BMPER: variants seen among roughly 807,000 people sequenced by gnomAD.
BMPER encodes the protein BMP binding endothelial regulator.
In BMPER, 45 loss-of-function variants were observed where a neutral mutation model predicts 87.3. That is an observed-to-expected ratio of 0.52 (90% confidence interval 0.41 to 0.66). The LOEUF (loss-of-function observed/expected upper bound fraction) is 0.66, where lower values mean the gene tolerates loss of function less well. Among genes scored for constraint, BMPER ranks in the 30% least tolerant of loss-of-function variants. The pLI is 0.00. For synonymous variants in BMPER, 326 were observed against 316.2 expected (o/e 1.03, Z -0.33); for missense variants, 784 against 867.5 (o/e 0.90, Z 1.21).
chr7:34,076,228 T>G (rs561751138), intron 11 of BMPER, among the ~76,000 whole-genome samples: 36 of 152,290 alleles, frequency 2.4e-4, no homozygotes, highest in African/African-American at 7.2e-4. Flanking sequence ...CAGTAGATCT[T>G]CTGCTGCTTC....
intron 6 of BMPER, among the ~76,000 whole-genome samples, chr7:34,000,085 C>T (rs1050531736): frequency 1.3e-5 from 2 of 152,144 alleles, no homozygotes; most frequent in Non-Finnish European, 2.9e-5. Context: ...CTCCAACAAA[C>T]TCATGCATCA....
chr7:34,151,460 A>C (rs1023436960), intron 14 of BMPER, among the ~76,000 whole-genome samples: 4 of 152,236 alleles, frequency 2.6e-5, no homozygotes, highest in African/African-American at 4.8e-5. Flanking sequence ...GAAAAGAGGT[A>C]GTGAATATGA....
intron 6 of BMPER, among the ~76,000 whole-genome samples, chr7:34,013,488 AT>A (rs773422152): frequency 3.7e-4 from 56 of 151,772 alleles, no homozygotes; most frequent in Non-Finnish European, 4.9e-4. Context: ...GAGAGCTTTT[AT>A]TTTGCATTCT....
chr7:34,025,472 G>A (rs540094153), intron 6 of BMPER, among the ~76,000 whole-genome samples: 14 of 152,094 alleles, frequency 9.2e-5, no homozygotes, highest in South Asian at 4.1e-4. Context: ...TTTAGGAGCC[G>A]AGAGTGCATG....
intron 13 of BMPER, among the ~76,000 whole-genome samples, chr7:34,100,022 A>G (rs1362459): frequency 0.98 from 149,314 of 152,162 alleles, 73,337 homozygotes; most frequent in Middle Eastern, 1. Flanking sequence ...AGTGGACACC[A>G]GGTCAAGAAA....
At chr7:34,119,215 A>C (rs73690166) in intron 13 of BMPER, among the ~76,000 whole-genome samples, 3,306 of 152,272 alleles carry the variant, frequency 0.022, 113 homozygotes, top group African/African-American at 0.075. Flanking sequence ...AAGCTGAGTT[A>C]AATGTTAAGA....
intron 2 of BMPER, among the ~76,000 whole-genome samples, chr7:33,923,127 A>G (rs1198257675): frequency 6.6e-6 from 1 of 152,124 alleles, no homozygotes; most frequent in Non-Finnish European, 1.5e-5. Flanking sequence ...CCTGCTGTAG[A>G]TGAGTATCAC....
chr7:34,106,432 A>G (rs148013856), intron 13 of BMPER, among the ~76,000 whole-genome samples: 243 of 152,360 alleles, frequency 1.6e-3, no homozygotes, highest in Non-Finnish European at 2.8e-3. Context: ...TTCAACCCCA[A>G]TGAGAAAATG....
intron 14 of BMPER, among the ~76,000 whole-genome samples, chr7:34,148,594 A>AAG (rs1297839914): frequency 6.6e-6 from 1 of 152,148 alleles, no homozygotes; most frequent in Non-Finnish European, 1.5e-5. Context: ...AGGATCATAC[A>AAG]AGAGAGAGAG....
chr7:34,101,617 C>A (rs1162976362), intron 13 of BMPER, among the ~76,000 whole-genome samples: 1 of 152,222 alleles, frequency 6.6e-6, no homozygotes, highest in Non-Finnish European at 1.5e-5. Context: ...CAGCCCCAGG[C>A]ATTGGTGGCT....
intron 3 of BMPER, among the ~76,000 whole-genome samples, chr7:33,955,361 T>C (rs1785125094): frequency 6.6e-6 from 1 of 152,212 alleles, no homozygotes; most frequent in African/African-American, 2.4e-5. Flanking sequence ...CGTTGCGCTG[T>C]TGAATCAGAC....
chr7:34,012,566 AC>A (rs952774273), intron 6 of BMPER, among the ~76,000 whole-genome samples: 20 of 151,886 alleles, frequency 1.3e-4, no homozygotes, highest in African/African-American at 4.6e-4. Flanking sequence ...AGAAAACCAG[AC>A]ACAATTTTTT....
intron 6 of BMPER, among the ~76,000 whole-genome samples, chr7:34,017,554 A>ATT (rs1275010210): frequency 2.6e-5 from 4 of 151,950 alleles, no homozygotes; most frequent in Non-Finnish European, 1.5e-5. Context: ...GCATGTGGGA[A>ATT]TTATGGGAGC....
intron 3 of BMPER, 106 bp from the exon 4 acceptor site, chr7:33,966,373 G>A: frequency 1.0e-6 from 1 of 960,026 alleles, no homozygotes; most frequent in Non-Finnish European, 1.7e-6. Context: ...TGGTTCCTTT[G>A]ATCGCTAATC....
intron 9 of BMPER, among the ~76,000 whole-genome samples, chr7:34,056,041 T>C (rs576764622): frequency 1.3e-5 from 2 of 152,308 alleles, no homozygotes; most frequent in East Asian, 3.9e-4. Flanking sequence ...CATAAACAAG[T>C]CAGTTGTGGT....
intron 2 of BMPER, among the ~76,000 whole-genome samples, chr7:33,923,992 C>T (rs1784297646): frequency 6.6e-6 from 1 of 152,182 alleles, no homozygotes; most frequent in South Asian, 2.1e-4. Flanking sequence ...CCCCCACCTG[C>T]AGTCCAGCTG....
chr7:34,066,042 C>G (rs1388494595), intron 11 of BMPER, among the ~76,000 whole-genome samples: 1 of 152,172 alleles, frequency 6.6e-6, no homozygotes, highest in East Asian at 1.9e-4. Context: ...TTGTCTGTTT[C>G]TAAAATCCCA....
At chr7:34,150,086 A>G (rs1791133494) in intron 14 of BMPER, among the ~76,000 whole-genome samples, 1 of 152,180 alleles carries the variant, frequency 6.6e-6, no homozygotes, top group African/African-American at 2.4e-5. Context: ...GGGTAAGTTA[A>G]GGGTACTCCT....
At chr7:34,070,759 G>A (rs1351514427) in intron 11 of BMPER, among the ~76,000 whole-genome samples, 1 of 150,924 alleles carries the variant, frequency 6.6e-6, no homozygotes, top group East Asian at 1.9e-4. Flanking sequence ...ATGCTGACGT[G>A]CATGGTGAAA....
Sources: gnomAD v4.1 joint callset for allele counts (sites outside exome capture counted in the v4.1 genomes callset) on GRCh38, gnomAD v4.1.1 for gene constraint, MANE v1.5 for transcripts, NCBI Gene and HGNC (gene_info 2026-07-23, HGNC 2026-07-21) for gene names.